Variants in GRID1 observed in about 807,000 individuals in gnomAD.
GRID1 encodes the protein glutamate receptor ionotropic, delta-1.
GRID1 carries 28 observed loss-of-function variants against 98.0 expected under a neutral mutation model. The observed-to-expected ratio is 0.29, with a 90% CI of 0.21 to 0.39. GRID1 has a LOEUF of 0.39. Among genes scored for constraint, GRID1 ranks in the 10% least tolerant of loss-of-function variants. The pLI is 1.00. For missense variants in GRID1, 1,111 were observed against 1,340.5 expected, an observed-to-expected ratio of 0.83 and a Z score of 2.67; for synonymous variants, 553 against 538.5, an observed-to-expected ratio of 1.03 and a Z score of -0.37.
chr10:85,946,844 C>A (rs530600859), intron 4 of GRID1, among the ~76,000 whole-genome samples: 44 of 152,328 alleles, frequency 2.9e-4, no homozygotes, highest in African/African-American at 1.0e-3. Flanking sequence ...GCCTGTGGAG[C>A]TGCCTGGTGA....
Position 86,365,358 on chromosome 10 carries a change from C to A in GRID1, c.79+956G>T, listed in dbSNP as rs1848660938. On this transcript the variant is annotated intron_variant, in intron 1 of 15. Transcript: ENST00000327946. This position sits in a 1 kb window ranked among gnomAD's most constrained non-coding sequence, Gnocchi z 4.8. ...GGAAAGACGACTGCGGAGGGACTCC[C>A]CCAAAGCGACCGCTGTCAGCCCCCC... Among the ~76,000 whole-genome samples the A allele has an allele frequency of 6.6e-6, 1 of 151,552 alleles. No homozygotes were observed. The highest frequency in any genetic ancestry group is 1.5e-5 in the Non-Finnish European group (1 of 67,844).
At chr10:86,299,586 G>A (rs543382561) in intron 2 of GRID1, among the ~76,000 whole-genome samples, 3 of 151,358 alleles carry the variant, frequency 2.0e-5, no homozygotes, top group Non-Finnish European at 4.4e-5. Context: ...AACACCACAT[G>A]TTCTCACTCA....
chr10:85,842,672 A>G (rs1842971604), intron 8 of GRID1, among the ~76,000 whole-genome samples: 1 of 152,112 alleles, frequency 6.6e-6, no homozygotes, highest in Non-Finnish European at 1.5e-5. Flanking sequence ...ATTATTTCCT[A>G]CAAACTACCA....
intron 2 of GRID1, among the ~76,000 whole-genome samples, chr10:86,354,784 A>G (rs1455993115): frequency 2.0e-5 from 3 of 152,192 alleles, no homozygotes; most frequent in Non-Finnish European, 4.4e-5. Flanking sequence ...AGACAAGGCC[A>G]CAGTAAGATG....
chr10:86,306,569 T>G (rs905867334), intron 2 of GRID1, among the ~76,000 whole-genome samples: 3 of 152,204 alleles, frequency 2.0e-5, no homozygotes, highest in Admixed American at 1.3e-4. Flanking sequence ...CCTCCTATAC[T>G]GGGCTCAGTT....
chr10:85,607,951 C>T (rs1394380105), intron 15 of GRID1, among the ~76,000 whole-genome samples: 5 of 151,848 alleles, frequency 3.3e-5, no homozygotes, highest in East Asian at 2.0e-4. Flanking sequence ...CTGAGTAGCT[C>T]GGACTACAGT....
intron 2 of GRID1, among the ~76,000 whole-genome samples, chr10:86,287,670 C>T (rs193203490): frequency 2.0e-5 from 3 of 152,206 alleles, no homozygotes; most frequent in East Asian, 3.9e-4. Context: ...AACAGGTGAC[C>T]GCGTATCCTC....
At chr10:85,982,298 T>C (rs1197035592) in intron 4 of GRID1, among the ~76,000 whole-genome samples, 2 of 152,254 alleles carry the variant, frequency 1.3e-5, no homozygotes, top group Non-Finnish European at 2.9e-5. Flanking sequence ...CAAAACATCA[T>C]GTTGTACACC....
At chr10:85,781,942 A>G (rs961704853) in intron 8 of GRID1, among the ~76,000 whole-genome samples, 4 of 152,196 alleles carry the variant, frequency 2.6e-5, no homozygotes, top group African/African-American at 9.7e-5. Context: ...CCAGACCTCA[A>G]TGGTTATTTA....
intron 8 of GRID1, among the ~76,000 whole-genome samples, chr10:85,823,274 T>C (rs1374386439): frequency 7.1e-6 from 1 of 141,752 alleles, no homozygotes; most frequent in Admixed American, 7.0e-5. Context: ...GTCACTGAAA[T>C]ATACACTTGA....
intron 12 of GRID1, among the ~76,000 whole-genome samples, chr10:85,687,767 A>G (rs1049852049): frequency 2.0e-5 from 3 of 152,244 alleles, no homozygotes; most frequent in Non-Finnish European, 4.4e-5. Context: ...GAAAAGTTCA[A>G]GAACAATTTA....
chr10:85,729,745 C>T (rs571897897), intron 8 of GRID1, 131 bp from the exon 9 acceptor site: 18 of 583,288 alleles, frequency 3.1e-5, no homozygotes, highest in South Asian at 3.1e-4. Flanking sequence ...TCCCAGAGAC[C>T]CAGAGCCATT....
rs11817103 is a variant in GRID1, at chr10:86,308,709, G to A, written c.235+55232C>T. Among the ~76,000 whole-genome samples, 1,086 of 152,288 alleles carry A rather than the reference G, an allele frequency of 7.1e-3. 15 individuals are homozygous for A. The highest frequency in any genetic ancestry group is 0.025 in the African/African-American group (1,046 of 41,532). Reference sequence around the variant, plus strand: ...GAGATTTATTCCTTACACTTCTGGAGGCTGGGAAGTCCAAGGTTGAGGGGC... The same window carrying A: ...GAGATTTATTCCTTACACTTCTGGAAGCTGGGAAGTCCAAGGTTGAGGGGC... On this transcript the variant is annotated intron_variant, in intron 2 of 15. Transcript: ENST00000327946.
intron 5 of GRID1, among the ~76,000 whole-genome samples, chr10:85,902,461 G>T (rs552779066): frequency 1.3e-5 from 2 of 152,172 alleles, no homozygotes; most frequent in Admixed American, 1.3e-4. Context: ...AAGTAAAACC[G>T]CAGATAAGGA....
chr10:86,345,079 CCG>C (rs972939882), intron 2 of GRID1, among the ~76,000 whole-genome samples: 119 of 152,288 alleles, frequency 7.8e-4, no homozygotes, highest in African/African-American at 2.7e-3. Context: ...GCCTTCCCTC[CCG>C]CCCTGATTCA....
intron 3 of GRID1, among the ~76,000 whole-genome samples, chr10:86,170,686 C>G (rs771149627): frequency 2.0e-5 from 3 of 152,350 alleles, no homozygotes; most frequent in African/African-American, 2.4e-5. Flanking sequence ...TACACACACA[C>G]ACGTGCGCAT....
intron 8 of GRID1, among the ~76,000 whole-genome samples, chr10:85,850,914 T>C (rs1341602476): frequency 6.6e-6 from 1 of 152,122 alleles, no homozygotes; most frequent in Admixed American, 6.5e-5. Flanking sequence ...TGAGACAACA[T>C]ACGTACAATG....
intron 4 of GRID1, among the ~76,000 whole-genome samples, chr10:85,923,676 A>G (rs1432538957): frequency 2.6e-5 from 4 of 152,204 alleles, no homozygotes; most frequent in Non-Finnish European, 5.9e-5. Context: ...AGTCTCCCAG[A>G]AAGTCAGTGT....
At chr10:86,219,015 A>C (rs1846214265) in intron 2 of GRID1, among the ~76,000 whole-genome samples, 1 of 152,214 alleles carries the variant, frequency 6.6e-6, no homozygotes, top group African/African-American at 2.4e-5. Context: ...AACCATAGGC[A>C]ATGGCAGCCA....
Sources: gnomAD v4.1 joint callset for allele counts (sites outside exome capture counted in the v4.1 genomes callset) on GRCh38, gnomAD v4.1.1 for gene constraint, Gnocchi (gnomAD v3.1) non-coding constraint, MANE v1.5 for transcripts, NCBI Gene and HGNC (gene_info 2026-07-23, HGNC 2026-07-21) for gene names.